Variants in RANBP2 observed in about 807,000 individuals in gnomAD.
RANBP2 encodes RAN binding protein 2.
RANBP2 carries 57 observed loss-of-function variants against 303.6 expected under a neutral mutation model. The ratio of observed to expected loss-of-function variants is 0.19; its 90% CI spans 0.15 to 0.23. RANBP2 has a LOEUF of 0.23. Ranked by LOEUF, RANBP2 falls within the 10% of genes least tolerant of loss-of-function variation. The pLI is 1.00. For synonymous variants in RANBP2, 1,167 were observed against 1,301.5 expected (o/e 0.90, Z 2.23); for missense variants, 3,138 against 3,780.8 (o/e 0.83, Z 4.46).
chr2:109,612,037 G>A, the RANBP2 span, among the ~76,000 whole-genome samples: 1 of 152,234 alleles, frequency 6.6e-6, no homozygotes, highest in Non-Finnish European at 1.5e-5. Context: ...GTACATGAAT[G>A]TTTATAGCAG....
the RANBP2 span, among the ~76,000 whole-genome samples, chr2:109,669,934 C>A: frequency 6.6e-6 from 1 of 150,654 alleles, no homozygotes; most frequent in East Asian, 2.0e-4. Context: ...CCCCAAGCGA[C>A]CCCCCACCAC....
At chr2:109,412,071 G>A in the RANBP2 span, among the ~76,000 whole-genome samples, 6 of 152,198 alleles carry the variant, frequency 3.9e-5, no homozygotes, top group South Asian at 2.1e-4. Context: ...TCCTGACACC[G>A]AGCCCTGTGG....
chr2:108,981,635 C>T, the RANBP2 span, among the ~76,000 whole-genome samples: 4 of 152,132 alleles, frequency 2.6e-5, no homozygotes, highest in South Asian at 2.1e-4. Flanking sequence ...GACCTCTGCT[C>T]GATATATACT....
chr2:109,599,728 T>C, the RANBP2 span, among the ~76,000 whole-genome samples: 2 of 152,186 alleles, frequency 1.3e-5, no homozygotes, highest in Admixed American at 6.5e-5. Context: ...TTGATAGCAG[T>C]TCATATAAAA....
the RANBP2 span, among the ~76,000 whole-genome samples, chr2:109,266,559 C>T: frequency 2.0e-5 from 3 of 152,148 alleles, no homozygotes; most frequent in African/African-American, 7.2e-5. Context: ...CCACTGGTGA[C>T]ACCAGGGACG....
chr2:108,737,446 C>T (rs1032062606), intron 6 of RANBP2, among the ~76,000 whole-genome samples: 1 of 148,988 alleles, frequency 6.7e-6, no homozygotes, highest in African/African-American at 2.5e-5. Flanking sequence ...TCAGGCGATT[C>T]TCCTGCCTCA....
chr2:108,783,444 T>C (rs2149335580), intron 28 of RANBP2, 152 bp from the exon 29 acceptor site: 2 of 523,712 alleles, frequency 3.8e-6, no homozygotes, highest in East Asian at 3.2e-5. Context: ...TCCAACAATA[T>C]GAATTTCTTA....
the RANBP2 span, among the ~76,000 whole-genome samples, chr2:109,421,598 T>C: frequency 2.6e-5 from 4 of 152,340 alleles, no homozygotes; most frequent in African/African-American, 9.6e-5. Context: ...CCAGTTCGCC[T>C]GCCCTGGGGG....
At chr2:109,315,914 G>C in the RANBP2 span, among the ~76,000 whole-genome samples, 47,360 of 151,988 alleles carry the variant, frequency 0.31, 9,124 homozygotes, top group African/African-American at 0.55. Context: ...GCATAGGTCT[G>C]TGTCTCTGGG....
the RANBP2 span, among the ~76,000 whole-genome samples, chr2:109,115,227 A>G: frequency 6.6e-6 from 1 of 152,006 alleles, no homozygotes; most frequent in Non-Finnish European, 1.5e-5. Context: ...GTTGACAGTG[A>G]GGTGTTAAAG....
At chr2:109,699,260 G>A in the RANBP2 span, among the ~76,000 whole-genome samples, 4 of 152,110 alleles carry the variant, frequency 2.6e-5, no homozygotes, top group African/African-American at 7.2e-5. Context: ...CTTTCTTTGC[G>A]CATTTTCTTT....
At chr2:109,624,152 C>A in the RANBP2 span, among the ~76,000 whole-genome samples, 6 of 152,156 alleles carry the variant, frequency 3.9e-5, no homozygotes, top group African/African-American at 1.4e-4. Context: ...GCCCATCTTA[C>A]AAAATTGTTC....
chr2:109,266,224 ATG>A, the RANBP2 span, among the ~76,000 whole-genome samples: 4 of 143,602 alleles, frequency 2.8e-5, no homozygotes, highest in East Asian at 4.1e-4. Flanking sequence ...TGTTGTGTGT[ATG>A]TGTATTCAGT....
At chr2:109,628,125 A>G in the RANBP2 span, among the ~76,000 whole-genome samples, 1 of 152,246 alleles carries the variant, frequency 6.6e-6, no homozygotes, top group South Asian at 2.1e-4. Flanking sequence ...GATCCTGAGC[A>G]CTGGGCCTGC....
the RANBP2 span, among the ~76,000 whole-genome samples, chr2:109,052,620 G>A: frequency 4.6e-5 from 7 of 152,198 alleles, no homozygotes; most frequent in East Asian, 3.9e-4. Context: ...TAGTGTCCTC[G>A]TAGTTTCTGT....
chr2:108,963,738 T>G, the RANBP2 span, among the ~76,000 whole-genome samples: 1 of 152,236 alleles, frequency 6.6e-6, no homozygotes, highest in South Asian at 2.1e-4. Flanking sequence ...TCCCAGGCTA[T>G]GGGTATCACA....
Position 108,764,596 on chromosome 2 carries a change from G to A in RANBP2, c.4057G>A (p.Gly1353Arg), listed in dbSNP as rs1676978657. Reference sequence around the variant, plus strand: ...TGAATTTCAGGTTGCAAAGAAAGAAGGGTCTTGGTGGCATTGTAACAGCTG... The same window carrying A: ...TGAATTTCAGGTTGCAAAGAAAGAAAGGTCTTGGTGGCATTGTAACAGCTG... ...NFEFQVAKKE[G>R]SWWHCNSCSL... The change falls in exon 20 of 29, where the codon GGG (glycine) becomes AGG (arginine). Residue 1353 changes from glycine to arginine, a missense_variant. Physicochemically the swap from Gly to Arg is moderately radical, Grantham distance 125 (BLOSUM62 -2). Around this residue, in one of 20 missense-constraint regions of RANBP2, gnomAD observed 388 missense variants for 328.5 expected, o/e 1.18. Coordinates refer to ENST00000283195, the MANE Select transcript of RANBP2 (RefSeq NM_006267.5). 3 of 1,614,024 alleles carry A rather than the reference G, an allele frequency of 1.9e-6. No homozygotes were observed. Among genetic ancestry groups the A allele is most frequent in the Non-Finnish European group, 1.7e-6 (2 of 1,179,974 alleles).
At chr2:109,219,692 T>A in the RANBP2 span, among the ~76,000 whole-genome samples, 1 of 152,172 alleles carries the variant, frequency 6.6e-6, no homozygotes, top group African/African-American at 2.4e-5. Context: ...CAATTTGCAA[T>A]CTCATCAAAA....
At chr2:109,635,578 A>G in the RANBP2 span, among the ~76,000 whole-genome samples, 1 of 152,168 alleles carries the variant, frequency 6.6e-6, no homozygotes, top group Admixed American at 6.5e-5. Flanking sequence ...GCGTTTTCCT[A>G]GTTCATGAGG....
Sources: allele counts gnomAD v4.1 joint callset (sites outside exome capture counted in the v4.1 genomes callset), GRCh38; gene constraint gnomAD v4.1.1; regional missense constraint gnomAD v4.1.1; transcripts MANE v1.5; gene names NCBI Gene and HGNC (gene_info 2026-07-23, HGNC 2026-07-21).